The following SLC5A1 variants were observed in gnomAD, a reference collection of about 807,000 sequenced individuals.
SLC5A1 encodes the protein solute carrier family 5 member 1.
A neutral mutation model predicts 73.5 loss-of-function variants in SLC5A1; 42 were observed. That is an observed-to-expected ratio of 0.57 (90% CI 0.45 to 0.74). The LOEUF is 0.74. Among genes scored for constraint, SLC5A1 ranks in the 30% least tolerant of loss-of-function variants. SLC5A1 has a pLI of 0.00. For missense variants in SLC5A1, 634 were observed against 855.4 expected (o/e 0.74, Z 3.23); for synonymous variants, 300 against 317.4 (o/e 0.95, Z 0.58).
chr22:32,110,423 C>A lies in SLC5A1; in HGVS notation c.*210C>A. 1 of 599,536 alleles carries A rather than the reference C, an allele frequency of 1.7e-6. No homozygotes were observed. The highest frequency in any genetic ancestry group is 3.0e-6 in the Non-Finnish European group (1 of 331,748). The allele number at this position is 599,536 out of a possible 1,614,324, so 37.1% of individuals were successfully genotyped here. On this transcript the variant is annotated 3_prime_UTR_variant, in exon 15 of 15. Coordinates refer to ENST00000266088, the MANE Select transcript of SLC5A1 (RefSeq NM_000343.4). ...AGCCAGTGTGATACAGCCATCTGTA[C>A]CTACTGGAGCTGCAGAAGGGAAGTC...
At chr22:32,062,019 T>C (rs953447665) in intron 2 of SLC5A1, among the ~76,000 whole-genome samples, 4 of 152,336 alleles carry the variant, frequency 2.6e-5, no homozygotes, top group African/African-American at 9.6e-5. Context: ...CCTCAGATAT[T>C]GGAAGGGCTA....
chr22:32,061,097 G>C lies in SLC5A1; in HGVS notation c.208-5838G>C, dbSNP rs190265864. Reference sequence around the variant, plus strand: ...CCTGTCTTTGGTTCGAGAGACAGATGCAATTCCTGCCAGCTTCTGACTTCT... The same window carrying C: ...CCTGTCTTTGGTTCGAGAGACAGATCCAATTCCTGCCAGCTTCTGACTTCT... On this transcript the variant is annotated intron_variant, in intron 2 of 14. Transcript: ENST00000266088. Among the ~76,000 whole-genome samples, 77 of 152,284 alleles carry C rather than the reference G, an allele frequency of 5.1e-4. 1 individual carries two copies. Among genetic ancestry groups the C allele is most frequent in the Middle Eastern group, 3.4e-3 (1 of 294 alleles).
At chr22:32,066,667 C>T (rs1302855447) in intron 2 of SLC5A1, among the ~76,000 whole-genome samples, 1 of 152,182 alleles carries the variant, frequency 6.6e-6, no homozygotes, top group Non-Finnish European at 1.5e-5. Context: ...GGACACGGGG[C>T]CCACAAAAGA....
Position 32,102,200 on chromosome 22 carries a change from T to G in SLC5A1, c.1628T>G (p.Val543Gly), listed in dbSNP as rs751495719. The G allele has an allele frequency of 2.5e-6, 4 of 1,614,182 alleles. No individual in the cohort carries two copies. Among genetic ancestry groups the G allele is most frequent in the Middle Eastern group, 1.7e-4 (1 of 6,060 alleles). ...LFAISFITIV[V>G]ISLLTKPIPD... ...GCCATTTCTTTCATCACCATCGTGG[T>G]CATCTCCCTCCTCACCAAACCCATT... The change falls in exon 13 of 15, where the codon GTC (valine) becomes GGC (glycine). Residue 543 changes from valine to glycine, a missense_variant. Val to Gly is a moderately radical substitution (Grantham distance 109). Transcript: ENST00000266088.
chr22:32,051,251 G>A (rs1026744474), intron 2 of SLC5A1, among the ~76,000 whole-genome samples: 1 of 152,194 alleles, frequency 6.6e-6, no homozygotes, highest in Non-Finnish European at 1.5e-5. Context: ...GATTTGGCTT[G>A]TTCCAGCTTT....
At chr22:32,101,224 T>C (rs1165240221) in intron 12 of SLC5A1, among the ~76,000 whole-genome samples, 6 of 152,176 alleles carry the variant, frequency 3.9e-5, no homozygotes, top group African/African-American at 1.4e-4. Context: ...GCCACCCTTC[T>C]AAGAGCACAT....
intron 14 of SLC5A1, among the ~76,000 whole-genome samples, chr22:32,106,924 G>C (rs758135135): frequency 6.6e-6 from 1 of 152,288 alleles, no homozygotes; most frequent in Non-Finnish European, 1.5e-5. Context: ...TGGCCATCAG[G>C]AACATCATAG....
At chr22:32,060,383 G>C (rs2093960523) in intron 2 of SLC5A1, among the ~76,000 whole-genome samples, 1 of 151,982 alleles carries the variant, frequency 6.6e-6, no homozygotes, top group Admixed American at 6.6e-5. Flanking sequence ...TAGTAGAGAT[G>C]GGGTTTCACC....
At position 32,083,101 on chromosome 22, in the gene SLC5A1, A is replaced by G. The variant is rs2094002586; in HGVS notation, c.611A>G (p.Asp204Gly). Reference sequence around the variant, plus strand: ...GGCCTGGCGGCGGTGATTTACACGGACACCTTGCAGACGGTGATCATGCTG... The same window carrying G: ...GGCCTGGCGGCGGTGATTTACACGGGCACCTTGCAGACGGTGATCATGCTG... The part of the protein sequence containing the change: ...TGGLAAVIYT[D>G]TLQTVIMLVG... Residue 204 changes from aspartate to glycine, a missense_variant, in exon 7 of 15, where the codon GAC becomes GGC. Asp to Gly is a moderately conservative substitution (Grantham distance 94). Around this residue, in one of 3 missense-constraint regions of SLC5A1, gnomAD observed 422 missense variants for 626.1 expected, o/e 0.67. Transcript: ENST00000266088. 1 of 1,614,026 alleles carries G rather than the reference A, an allele frequency of 6.2e-7. No individual in the cohort carries two copies. The highest frequency in any genetic ancestry group is 1.7e-5 in the Admixed American group (1 of 59,988).
intron 6 of SLC5A1, 40 bp downstream of exon 6, chr22:32,082,011 C>G: frequency 2.4e-6 from 3 of 1,254,266 alleles, no homozygotes; most frequent in South Asian, 1.2e-5. Flanking sequence ...AAACCCAGCT[C>G]GGGATCAGGC....
At chr22:32,094,181 G>C (rs1216150136) in intron 11 of SLC5A1, among the ~76,000 whole-genome samples, 1 of 152,124 alleles carries the variant, frequency 6.6e-6, no homozygotes, top group Non-Finnish European at 1.5e-5. Flanking sequence ...TGCATCCCTG[G>C]TACGAAACCC....
chr22:32,044,953 C>T (rs1255497266), intron 1 of SLC5A1, among the ~76,000 whole-genome samples: 5 of 152,164 alleles, frequency 3.3e-5, no homozygotes, highest in Non-Finnish European at 7.4e-5. Flanking sequence ...TATATTTTTA[C>T]AAAAGCCACA....
intron 4 of SLC5A1, 120 bp downstream of exon 4, chr22:32,068,146 C>T: frequency 1.0e-6 from 1 of 970,996 alleles, no homozygotes; most frequent in East Asian, 2.4e-5. Context: ...GATTGGCTTT[C>T]ACTCCCAGGT....
At chr22:32,049,808 G>A (rs1298904414) in intron 1 of SLC5A1, 135 bp from the exon 2 acceptor site, 1 of 793,706 alleles carries the variant, frequency 1.3e-6, no homozygotes, top group South Asian at 1.3e-5. Flanking sequence ...GAGGCTGCAG[G>A]GGAAGAAGGA....
At chr22:32,047,679 T>C (rs978939456) in intron 1 of SLC5A1, among the ~76,000 whole-genome samples, 1 of 152,206 alleles carries the variant, frequency 6.6e-6, no homozygotes, top group Non-Finnish European at 1.5e-5. Flanking sequence ...ATGGCCCTGC[T>C]TCCTAAAGGA....
intron 1 of SLC5A1, 88 bp from the exon 2 acceptor site, chr22:32,049,855 A>C (rs1156571835): frequency 2.0e-6 from 2 of 981,408 alleles, no homozygotes; most frequent in Non-Finnish European, 3.3e-6. Context: ...TGGGTAGAAG[A>C]AGGTGCACGA....
At chr22:32,067,461 T>TGCAGTTCCCA (rs2093975675) in intron 3 of SLC5A1, among the ~76,000 whole-genome samples, 7 of 151,934 alleles carry the variant, frequency 4.6e-5, no homozygotes, top group Admixed American at 3.9e-4. Flanking sequence ...AGCCTCAAAC[T>TGCAGTTCCCA]CCTGGGCTCA....
At chr22:32,086,672 T>A (rs930146880) in intron 10 of SLC5A1, among the ~76,000 whole-genome samples, 1 of 152,138 alleles carries the variant, frequency 6.6e-6, no homozygotes, top group African/African-American at 2.4e-5. Context: ...ACACCCATTA[T>A]GGAAAACTGG....
Position 32,043,377 on chromosome 22 carries a change from C to T in SLC5A1, c.96C>T (p.Ile32=), listed in dbSNP as rs1569296915. ...LIRNAADISI[I]VIYFVVVMAV... ...GCAATGCAGCCGATATCTCCATCAT[C>T]GTTATCTACTTCGTGGTAGTGATGG... Residue 32 remains isoleucine, a synonymous_variant, in exon 1 of 15, where the codon ATC becomes ATT. Transcript: ENST00000266088. This position sits in a 1 kb window ranked among gnomAD's most constrained non-coding sequence, Gnocchi z 6.5. 3.1e-6 allele frequency: 5 copies of T among 1,614,126 alleles called. No homozygotes were observed. The South Asian group carries it at 4.4e-5, about 14-fold the overall frequency.
Sources: gnomAD v4.1 joint callset for allele counts (sites outside exome capture counted in the v4.1 genomes callset) on GRCh38, gnomAD v4.1.1 for gene constraint, gnomAD v4.1.1 regional missense constraint, Gnocchi (gnomAD v3.1) non-coding constraint, MANE v1.5 for transcripts, NCBI Gene and HGNC (gene_info 2026-07-23, HGNC 2026-07-21) for gene names.